The following LRP2 variants were observed in gnomAD, a reference collection of about 807,000 sequenced individuals.
The protein encoded by LRP2 is LDL receptor related protein 2.
In LRP2, 172 loss-of-function variants were observed where a neutral mutation model predicts 531.0. That is an observed-to-expected ratio of 0.32 (90% CI 0.29 to 0.37). The LOEUF (loss-of-function observed/expected upper bound fraction) is 0.37. Ranked by LOEUF, LRP2 falls within the 10% of genes least tolerant of loss-of-function variation. LRP2 has a pLI of 1.00. For synonymous variants in LRP2, 1,992 were observed against 2,027.6 expected, an observed-to-expected ratio of 0.98 and a Z score of 0.47; for missense variants, 5,167 against 5,868.3, an observed-to-expected ratio of 0.88 and a Z score of 3.90.
chr2:169,327,918 G>A lies in LRP2; in HGVS notation c.80-7034C>T, dbSNP rs1295876259. ...AGCCCCCCGCCCGGCCAGCCGCCCCGTCCAGGAGGGAGGTGGGGGCGTCAG... is the reference window on the plus strand; with the variant it reads ...AGCCCCCCGCCCGGCCAGCCGCCCCATCCAGGAGGGAGGTGGGGGCGTCAG... On this transcript the variant is annotated intron_variant, in intron 1 of 78. Coordinates refer to ENST00000649046, the MANE Select transcript of LRP2 (RefSeq NM_004525.3). Among the ~76,000 whole-genome samples the A allele has an allele frequency of 1.2e-4, 11 of 93,736 alleles. 1 individual carries two copies. The highest frequency in any genetic ancestry group is 1.5e-4 in the Non-Finnish European group (7 of 45,774). The allele number at this position is 93,736 out of a possible 152,430, so 61.5% of individuals were successfully genotyped here. A position where few individuals can be genotyped will look rare whatever the true frequency, so the allele number is the denominator to read the frequency against.
intron 13 of LRP2, among the ~76,000 whole-genome samples, chr2:169,276,320 T>C (rs1357641981): frequency 6.6e-6 from 1 of 152,212 alleles, no homozygotes; most frequent in African/African-American, 2.4e-5. Context: ...ATTTCTTTGA[T>C]GTTTCTTCAC....
chr2:169,275,267 C>A (rs758110302), intron 13 of LRP2, 29 bp from the exon 14 acceptor site: 3 of 1,564,992 alleles, frequency 1.9e-6, no homozygotes, highest in Admixed American at 3.4e-5. Flanking sequence ...ATATATCATA[C>A]AATTTGTTAG....
chr2:169,272,969 T>C lies in LRP2; in HGVS notation c.2074A>G (p.Thr692Ala). The C allele has an allele frequency of 6.2e-7, 1 of 1,613,798 alleles. No individual in the cohort carries two copies. The stretch of plus-strand genomic sequence containing the variant: ...TCTGTATCCAGTTGGAAGCCGAATG[T>C]GCACTTGCAACGGAAACCCAAACCA... ...NDGLGFRCKC[T>A]FGFQLDTDER... is the part of the protein sequence containing the mutation. The change falls in exon 15 of 79, where the codon ACA becomes GCA. Residue 692 changes from threonine (T) to alanine (A), a missense_variant. Thr to Ala is a moderately conservative substitution (Grantham distance 58). Coordinates refer to ENST00000649046, the MANE Select transcript of LRP2 (RefSeq NM_004525.3).
At chr2:169,295,873 C>T (rs1002996083) in intron 4 of LRP2, among the ~76,000 whole-genome samples, 3 of 152,078 alleles carry the variant, frequency 2.0e-5, no homozygotes, top group African/African-American at 4.8e-5. Flanking sequence ...CCATCTTCTT[C>T]ATGAAAGATT....
intron 1 of LRP2, among the ~76,000 whole-genome samples, chr2:169,337,725 C>A (rs1287143866): frequency 6.6e-6 from 1 of 152,196 alleles, no homozygotes; most frequent in Non-Finnish European, 1.5e-5. Context: ...ATCCATTCCA[C>A]CCAAAGTGGA....
rs1178812065 is a variant in LRP2, at chr2:169,128,562, AT to A, written c.*100del. On this transcript the variant is annotated 3_prime_UTR_variant, in exon 79 of 79. Transcript: ENST00000649046. ...ACTATAGGCAAACAGGGAAAAATAT[AT>A]TTTTTTCATAAAGTACTGAATGTTA... is the stretch of plus-strand genomic sequence containing the variant. 11 of 1,222,408 alleles carry A rather than the reference AT, an allele frequency of 9.0e-6. No homozygotes were observed. In the East Asian group the frequency reaches 9.3e-5, roughly 10 times the overall value. 75.7% of individuals were successfully genotyped at this position (1,222,408 alleles called of 1,614,324 possible).
Position 169,235,932 on chromosome 2 carries a change from T to G in LRP2, c.4828A>C (p.Arg1610=). Reference sequence around the variant, plus strand: ...TAGGAGTCCATGAAGTAGAGCAGTCTGTTGGGGTAGTCAATAGTTAAGCCG... The same window carrying G: ...TAGGAGTCCATGAAGTAGAGCAGTCGGTTGGGGTAGTCAATAGTTAAGCCG... ...PCGLTIDYPN[R]LLYFMDSYLD... The change falls in exon 29 of 79, where the codon AGA becomes CGA. Residue 1610 remains arginine, a synonymous_variant. Transcript: ENST00000649046. 6.2e-7 allele frequency: 1 copy of G among 1,614,176 alleles called. No individual in the cohort carries two copies. Among genetic ancestry groups the G allele is most frequent in the Non-Finnish European group, 8.5e-7 (1 of 1,180,022 alleles).
At position 169,270,437 on chromosome 2, in the gene LRP2, T is replaced by A. The variant is rs576041084; in HGVS notation, c.2320+467A>T. Among the ~76,000 whole-genome samples, 281 of 152,140 alleles carry A rather than the reference T, an allele frequency of 1.8e-3. 1 individual carries two copies. The highest frequency in any genetic ancestry group is 3.5e-3 in the South Asian group (17 of 4,810). On this transcript the variant is annotated intron_variant, in intron 16 of 78. Coordinates refer to ENST00000649046, the MANE Select transcript of LRP2 (RefSeq NM_004525.3). Reference sequence around the variant, plus strand: ...AATACTATGCAGCCATAAAAAAGGATGAGTTCATGTTCTTTACAGGGACAT... The same window carrying A: ...AATACTATGCAGCCATAAAAAAGGAAGAGTTCATGTTCTTTACAGGGACAT...
At chr2:169,330,133 C>T (rs1279379203) in intron 1 of LRP2, among the ~76,000 whole-genome samples, 1 of 152,160 alleles carries the variant, frequency 6.6e-6, no homozygotes, top group African/African-American at 2.4e-5. Context: ...TTCCACGAAA[C>T]CAGTCCCTGG....
At chr2:169,270,120 G>C (rs1209121464) in intron 16 of LRP2, among the ~76,000 whole-genome samples, 1 of 152,128 alleles carries the variant, frequency 6.6e-6, no homozygotes, top group East Asian at 1.9e-4. Context: ...GTGCTGGAGA[G>C]GATGTGGAGA....
chr2:169,129,110 C>T, intron 77 of LRP2, 26 bp from the exon 78 acceptor site: 1 of 1,449,052 alleles, frequency 6.9e-7, no homozygotes, highest in African/African-American at 1.4e-5. Context: ...AAAACAAAAA[C>T]CTCTCAGTAA....
intron 38 of LRP2, 104 bp downstream of exon 38, chr2:169,209,349 C>A: frequency 1.8e-6 from 2 of 1,099,244 alleles, no homozygotes; most frequent in Admixed American, 3.4e-5. Flanking sequence ...TAATAATTGT[C>A]TAGAAAAACA....
intron 77 of LRP2, among the ~76,000 whole-genome samples, chr2:169,130,597 T>C (rs1187027873): frequency 1.3e-5 from 2 of 152,214 alleles, no homozygotes; most frequent in African/African-American, 4.8e-5. Flanking sequence ...ATGTTTTTAA[T>C]TGTTAGTCTT....
intron 13 of LRP2, among the ~76,000 whole-genome samples, chr2:169,277,205 A>G (rs1683579751): frequency 6.6e-6 from 1 of 151,826 alleles, no homozygotes; most frequent in Admixed American, 6.6e-5. Context: ...AAAAAAAAAA[A>G]AAAAAAAGAA....
intron 1 of LRP2, among the ~76,000 whole-genome samples, chr2:169,353,880 TC>T (rs1158238942): frequency 6.6e-6 from 1 of 152,050 alleles, no homozygotes; most frequent in Non-Finnish European, 1.5e-5. Flanking sequence ...AGTCCCAGCT[TC>T]TTGTGGGGTT....
intron 1 of LRP2, among the ~76,000 whole-genome samples, chr2:169,336,416 T>C (rs912991027): frequency 6.6e-6 from 1 of 152,046 alleles, no homozygotes; most frequent in Non-Finnish European, 1.5e-5. Context: ...GGCATGCACC[T>C]GTAATCCCAG....
intron 27 of LRP2, among the ~76,000 whole-genome samples, chr2:169,237,760 A>G (rs529863018): frequency 1.4e-4 from 21 of 152,318 alleles, no homozygotes; most frequent in African/African-American, 4.3e-4. Context: ...AATTAAAGCT[A>G]AGAAAAGCAA....
At chr2:169,275,692 G>C (rs1222353865) in intron 13 of LRP2, among the ~76,000 whole-genome samples, 1 of 152,130 alleles carries the variant, frequency 6.6e-6, no homozygotes, top group African/African-American at 2.4e-5. Flanking sequence ...TTAGGGAGCA[G>C]GACAGTGAGT....
rs939866468 is a variant in LRP2, at chr2:169,244,941, G to A, written c.3191-9C>T. The A allele has an allele frequency of 6.2e-7, 1 of 1,614,126 alleles. No homozygotes were observed. The highest frequency in any genetic ancestry group is 8.5e-7 in the Non-Finnish European group (1 of 1,179,974). On this transcript the variant is annotated splice_polypyrimidine_tract_variant and intron_variant, in intron 21 of 78. Transcript: ENST00000649046. Reference sequence around the variant, plus strand: ...AGATGAACAGGTATTATCTACAATAGTAACAAACTGGTCATGAAGACATTT... The same window carrying A: ...AGATGAACAGGTATTATCTACAATAATAACAAACTGGTCATGAAGACATTT...
Sources: gnomAD v4.1 joint callset for allele counts (sites outside exome capture counted in the v4.1 genomes callset) on GRCh38, gnomAD v4.1.1 for gene constraint, MANE v1.5 for transcripts, NCBI Gene and HGNC (gene_info 2026-07-23, HGNC 2026-07-21) for gene names.